The following GRIK5 variants were observed in gnomAD, a reference collection of about 807,000 sequenced individuals.
GRIK5 encodes glutamate ionotropic receptor kainate type subunit 5.
Under a neutral mutation model 97.4 loss-of-function variants are expected in GRIK5, and 43 were observed. That is an observed-to-expected ratio of 0.44 (90% confidence interval 0.35 to 0.57). GRIK5 has a LOEUF of 0.57. Ranked by LOEUF, GRIK5 falls within the 20% of genes least tolerant of loss-of-function variation. The pLI is 0.01. For missense variants in GRIK5, 1,015 were observed against 1,382.0 expected, an observed-to-expected ratio of 0.73 and a Z score of 4.21; for synonymous variants, 580 against 583.5, an observed-to-expected ratio of 0.99 and a Z score of 0.09.
intron 11 of GRIK5, among the ~76,000 whole-genome samples, chr19:42,043,231 A>T (rs1408690519): frequency 6.6e-6 from 1 of 152,080 alleles, no homozygotes; most frequent in East Asian, 1.9e-4. Flanking sequence ...TGGGCAATAC[A>T]CTGATATTTT....
chr19:42,059,228 GGAA>G lies in GRIK5; in HGVS notation c.687+118_687+120del, dbSNP rs1186750994. 24 of 721,242 alleles carry G rather than the reference GGAA, an allele frequency of 3.3e-5. No homozygotes were observed. In the South Asian group the frequency reaches 3.5e-4, roughly 11 times the overall value. The allele number at this position is 721,242 out of a possible 1,614,324, so 44.7% of individuals were successfully genotyped here. The stretch of plus-strand genomic sequence containing the variant: ...CAAACTTTACAATTATCATCTTCAC[GGAA>G]GAAGAAGGTCTTGAAGCCCCCTTTT... On this transcript the variant is annotated intron_variant, in intron 6 of 19. Coordinates refer to ENST00000593562, the MANE Select transcript of GRIK5 (RefSeq NM_002088.5).
intron 11 of GRIK5, among the ~76,000 whole-genome samples, chr19:42,045,993 T>G (rs1411191240): frequency 5.3e-5 from 8 of 152,124 alleles, no homozygotes; most frequent in African/African-American, 1.9e-4. Context: ...AGGTTGGGTA[T>G]CAAAGCTGGA....
chr19:42,037,683 T>C (rs1286927480), intron 12 of GRIK5, among the ~76,000 whole-genome samples: 1 of 152,154 alleles, frequency 6.6e-6, no homozygotes, highest in Admixed American at 6.5e-5. Flanking sequence ...GGGGCACTCA[T>C]TGCCTCAGCT....
In GRIK5 at chr19:42,005,966, A is replaced by C. The variant is rs781868975; in HGVS notation, c.2038-18T>G. On this transcript the variant is annotated intron_variant, in intron 16 of 19. Coordinates refer to ENST00000593562, the MANE Select transcript of GRIK5 (RefSeq NM_002088.5). ...CGTGAATTCTGGGCAGGAGGATCAC[A>C]AGGGGAAGATGGGAGGGTCTTTCCA... 2 of 1,309,318 alleles carry C rather than the reference A, an allele frequency of 1.5e-6. No individual in the cohort carries two copies. The highest frequency in any genetic ancestry group is 2.2e-6 in the Non-Finnish European group (2 of 917,888). The allele number at this position is 1,309,318 out of a possible 1,614,324, so 81.1% of individuals were successfully genotyped here. A position where few individuals can be genotyped will look rare whatever the true frequency, so the allele number is the denominator to read the frequency against.
Position 42,022,670 on chromosome 19 carries a change from T to C in GRIK5, c.1474-316A>G. The C allele has an allele frequency of 1.0e-6, 1 of 984,548 alleles. No homozygotes were observed. The highest frequency in any genetic ancestry group is 1.2e-6 in the Non-Finnish European group (1 of 829,718). The allele number at this position is 984,548 out of a possible 1,614,324, so 61.0% of individuals were successfully genotyped here. On this transcript the variant is annotated intron_variant, in intron 12 of 19. Coordinates refer to ENST00000593562, the MANE Select transcript of GRIK5 (RefSeq NM_002088.5). The surrounding 1 kb of genome is among the most constrained non-coding windows in gnomAD (Gnocchi z 4.2). ...AAACTCCAATTCAAGCAGCAACTTC[T>C]CCCTAGGGCCATAAAAGAGCCAAGG...
At chr19:42,044,177 C>A (rs572818769) in intron 11 of GRIK5, among the ~76,000 whole-genome samples, 24 of 152,172 alleles carry the variant, frequency 1.6e-4, no homozygotes, top group Non-Finnish European at 2.2e-4. Flanking sequence ...GCTTCCCCTT[C>A]GCCTTCTGCT....
intron 11 of GRIK5, among the ~76,000 whole-genome samples, chr19:42,050,685 T>C (rs948878217): frequency 2.0e-5 from 3 of 147,852 alleles, no homozygotes; most frequent in Non-Finnish European, 3.0e-5. Flanking sequence ...AATTAAAAAA[T>C]AATAGAGGCA....
intron 6 of GRIK5, among the ~76,000 whole-genome samples, chr19:42,057,335 CAAG>C (rs2076199911): frequency 6.6e-6 from 1 of 151,242 alleles, no homozygotes; most frequent in African/African-American, 2.4e-5. Context: ...TGGAGATAGG[CAAG>C]AAGAAGCCTC....
rs552579226 is a variant in GRIK5 at position 42,062,119 on chromosome 19, C to A, written c.508+369G>T. On this transcript the variant is annotated intron_variant, in intron 5 of 19. Transcript: ENST00000593562. This position sits in a 1 kb window ranked among gnomAD's most constrained non-coding sequence, Gnocchi z 5.3. Reference sequence around the variant, plus strand: ...ACCTCCCAGATGGATTAGGATCCCTCCTATGTGATACCAGAGGCTCCACGT... The same window carrying A: ...ACCTCCCAGATGGATTAGGATCCCTACTATGTGATACCAGAGGCTCCACGT... Among the ~76,000 whole-genome samples, 1 of 152,310 alleles carries A rather than the reference C, an allele frequency of 6.6e-6. No homozygotes were observed. The highest frequency in any genetic ancestry group is 2.1e-4 in the South Asian group (1 of 4,820).
chr19:42,014,783 G>A (rs1201130499), intron 15 of GRIK5, among the ~76,000 whole-genome samples: 2 of 152,280 alleles, frequency 1.3e-5, no homozygotes, highest in Middle Eastern at 6.8e-3. Context: ...GGTCAGGTGT[G>A]GTGGCTCATA....
At chr19:42,032,377 T>A (rs554672724) in intron 12 of GRIK5, among the ~76,000 whole-genome samples, 2 of 152,240 alleles carry the variant, frequency 1.3e-5, no homozygotes, top group Non-Finnish European at 2.9e-5. Context: ...CTCATGCACT[T>A]TGGTAGGAAT....
chr19:42,051,979 T>G (rs1483816758), intron 11 of GRIK5, among the ~76,000 whole-genome samples: 2 of 152,196 alleles, frequency 1.3e-5, no homozygotes, highest in Admixed American at 1.3e-4. Flanking sequence ...TCCCTCATTG[T>G]GGGAATGACT....
At chr19:42,030,490 G>A (rs924761430) in intron 12 of GRIK5, among the ~76,000 whole-genome samples, 1 of 151,240 alleles carries the variant, frequency 6.6e-6, no homozygotes, top group African/African-American at 2.4e-5. Flanking sequence ...ACAGGGTCTT[G>A]CCCTGTCACC....
Position 42,006,378 on chromosome 19 carries a change from AC to A in GRIK5, c.2037+266del, listed in dbSNP as rs2075491406. Among the ~76,000 whole-genome samples the A allele has an allele frequency of 6.6e-6, 1 of 151,834 alleles. No individual in the cohort carries two copies. The highest frequency in any genetic ancestry group is 2.1e-4 in the South Asian group (1 of 4,820). ...CTGTCAGCCCATATTCCTGGTCCCG[AC>A]CCTTCCAGCAGCCTCCTTGATCCCA... On this transcript the variant is annotated intron_variant, in intron 16 of 19. Coordinates refer to ENST00000593562, the MANE Select transcript of GRIK5 (RefSeq NM_002088.5). The surrounding 1 kb of genome is among the most constrained non-coding windows in gnomAD (Gnocchi z 5.3).
At chr19:42,031,463 T>C (rs778124542) in intron 12 of GRIK5, among the ~76,000 whole-genome samples, 3 of 152,198 alleles carry the variant, frequency 2.0e-5, no homozygotes, top group Non-Finnish European at 2.9e-5. Context: ...ATTCCAGTTA[T>C]ACAACCAAGA....
intron 12 of GRIK5, among the ~76,000 whole-genome samples, chr19:42,033,990 ACT>A (rs2075871368): frequency 6.6e-6 from 1 of 151,942 alleles, no homozygotes; most frequent in African/African-American, 2.4e-5. Flanking sequence ...ACACAGTGAG[ACT>A]CTGTCTCAAA....
intron 3 of GRIK5, chr19:42,063,276 A>G (rs1323397610): frequency 6.5e-6 from 3 of 459,660 alleles, no homozygotes; most frequent in Admixed American, 4.7e-5. Flanking sequence ...CCATACTCCA[A>G]ACACCACTCT....
In GRIK5 at chr19:42,003,594, C is replaced by T. The variant is rs782544338; in HGVS notation, c.2353G>A (p.Gly785Arg). The change falls in exon 18 of 20, where the codon GGG becomes AGG. Residue 785 changes from glycine (G) to arginine (R), a missense_variant. Physicochemically the swap from Gly to Arg is moderately radical, Grantham distance 125 (BLOSUM62 -2). This residue lies in a region of GRIK5 where 229 missense variants were observed against 341.0 expected (regional missense o/e 0.67). Transcript: ENST00000593562. The surrounding 1 kb of genome is among the most constrained non-coding windows in gnomAD (Gnocchi z 4.2). ...TCCTCCTCCTTGGGGCACCGGCCCC[C>T]CTCCCACCACTTGCGCTTCAGGATC... ...LEILKRKWWEGGRCPKEEDHR... is the reference protein window; with the variant it reads ...LEILKRKWWERGRCPKEEDHR... 1 of 1,613,344 alleles carries T rather than the reference C, an allele frequency of 6.2e-7. No individual in the cohort carries two copies. The highest frequency in any genetic ancestry group is 8.5e-7 in the Non-Finnish European group (1 of 1,179,606).
chr19:42,013,662 G>A (rs537626378), intron 15 of GRIK5, among the ~76,000 whole-genome samples: 15 of 151,734 alleles, frequency 9.9e-5, no homozygotes, highest in African/African-American at 2.4e-5. Flanking sequence ...CGCCCACCTC[G>A]GCCTCCCAAA....
Sources: allele counts gnomAD v4.1 joint callset (sites outside exome capture counted in the v4.1 genomes callset), GRCh38; gene constraint gnomAD v4.1.1; regional missense constraint gnomAD v4.1.1; non-coding constraint Gnocchi (gnomAD v3.1); transcripts MANE v1.5; gene names NCBI Gene and HGNC (gene_info 2026-07-23, HGNC 2026-07-21).